IPO8: variants seen among roughly 807,000 people sequenced by gnomAD.
IPO8 encodes importin 8, also known as importin-8.
Under a neutral mutation model 141.2 loss-of-function variants are expected in IPO8, and 65 were observed. The observed-to-expected ratio is 0.46, with a 90% CI of 0.38 to 0.57. The LOEUF is 0.57. Ranked by LOEUF, IPO8 falls within the 20% of genes least tolerant of loss-of-function variation. The pLI is 0.00. For synonymous variants in IPO8, 411 were observed against 420.3 expected (o/e 0.98, Z 0.27); for missense variants, 980 against 1,246.8 (o/e 0.79, Z 3.22).
At position 30,662,452 on chromosome 12, in the gene IPO8, T is replaced by A; in HGVS notation, c.1630A>T (p.Met544Leu). The A allele has an allele frequency of 2.5e-6, 4 of 1,612,870 alleles. No individual in the cohort carries two copies. Among genetic ancestry groups the A allele is most frequent in the Non-Finnish European group, 3.4e-6 (4 of 1,179,250 alleles). ...CTAACAATGTGCAACAGTTCCTGCA[T>A]AATAGGCCTCACATGTGGCTTCATA... ...EYMKPHVRPI[M>L]QELLHIVRET... Residue 544 changes from methionine (M) to leucine (L), a missense_variant, in exon 15 of 25, where the codon ATG becomes TTG. By Grantham distance (15) the Met-to-Leu change is conservative. Around this residue, in one of 3 missense-constraint regions of IPO8, gnomAD observed 924 missense variants for 1,153.9 expected, o/e 0.80. Coordinates refer to ENST00000256079, the MANE Select transcript of IPO8 (RefSeq NM_006390.4).
Position 30,652,582 on chromosome 12 carries a change from G to A in IPO8, c.2075-293C>T, listed in dbSNP as rs1452306408. On this transcript the variant is annotated intron_variant, in intron 18 of 24. Transcript: ENST00000256079. ...TATATTTTCTTGCTCATTTGTCTGCGTGATTCCCTACCCTCCCATCATCCC... is the reference window on the plus strand; with the variant it reads ...TATATTTTCTTGCTCATTTGTCTGCATGATTCCCTACCCTCCCATCATCCC... 3.3e-5 allele frequency among the ~76,000 whole-genome samples: 5 copies of A among 152,074 alleles called. No homozygotes were observed. The East Asian group carries it at 7.7e-4, about 23-fold the overall frequency.
chr12:30,684,288 T>C lies in IPO8; in HGVS notation c.323+13A>G, dbSNP rs771009819. 22 of 1,612,072 alleles carry C rather than the reference T, an allele frequency of 1.4e-5. No homozygotes were observed. Among genetic ancestry groups the C allele is most frequent in the Non-Finnish European group, 1.9e-5 (22 of 1,178,642 alleles). ...ATGCTTTCTAGTAATCACAAATATA[T>C]AGCACCACATACCTCACTAAATCTG... On this transcript the variant is annotated intron_variant, in intron 3 of 24. Coordinates refer to ENST00000256079, the MANE Select transcript of IPO8 (RefSeq NM_006390.4).
In IPO8 at chr12:30,695,395, C is replaced by T. The variant is rs2241828; in HGVS notation, c.84+169G>A. ...GCTGTTCGGCAAAGATCCTGGGAGC[C>T]CTGCTCCACTGGACCGGGGGGCAGC... is the stretch of plus-strand genomic sequence containing the variant. On this transcript the variant is annotated intron_variant, in intron 1 of 24. Coordinates refer to ENST00000256079, the MANE Select transcript of IPO8 (RefSeq NM_006390.4). This position sits in a 1 kb window ranked among gnomAD's most constrained non-coding sequence, Gnocchi z 4.2. Among the ~76,000 whole-genome samples the T allele has an allele frequency of 0.21, 32,291 of 152,098 alleles. 3,587 individuals are homozygous for T. Among genetic ancestry groups the T allele is most frequent in the East Asian group, 0.29 (1,513 of 5,142 alleles).
At chr12:30,678,053 A>T (rs1192868851) in intron 5 of IPO8, among the ~76,000 whole-genome samples, 1 of 144,588 alleles carries the variant, frequency 6.9e-6, no homozygotes, top group Non-Finnish European at 1.5e-5. Context: ...TGAACCCGGG[A>T]GGCGGAGGTG....
chr12:30,659,999 G>C (rs753421600), intron 16 of IPO8, among the ~76,000 whole-genome samples: 1 of 152,090 alleles, frequency 6.6e-6, no homozygotes, highest in Non-Finnish European at 1.5e-5. Flanking sequence ...GAAGCGGGTG[G>C]ATCACCTGAG....
chr12:30,670,589 A>G (rs2053033433), intron 9 of IPO8, among the ~76,000 whole-genome samples: 1 of 152,236 alleles, frequency 6.6e-6, no homozygotes, highest in Non-Finnish European at 1.5e-5. Flanking sequence ...GCAAAATAAC[A>G]CTACCTTAGT....
At chr12:30,668,206 G>A (rs1266781665) in intron 10 of IPO8, among the ~76,000 whole-genome samples, 1 of 152,148 alleles carries the variant, frequency 6.6e-6, no homozygotes, top group Non-Finnish European at 1.5e-5. Context: ...GATGATAAAT[G>A]TTTCTCATTG....
At chr12:30,646,934 C>G (rs1449403200) in intron 20 of IPO8, among the ~76,000 whole-genome samples, 2 of 152,190 alleles carry the variant, frequency 1.3e-5, no homozygotes, top group East Asian at 3.9e-4. Flanking sequence ...ACAATCCCAG[C>G]TGGCTAATTT....
intron 21 of IPO8, among the ~76,000 whole-genome samples, 155 bp from the exon 22 acceptor site, chr12:30,637,342 C>T (rs2052517138): frequency 6.6e-6 from 1 of 152,136 alleles, no homozygotes; most frequent in Non-Finnish European, 1.5e-5. Flanking sequence ...GTATGAAATG[C>T]TATGTAAATC....
At chr12:30,670,632 A>G (rs2053033899) in intron 9 of IPO8, among the ~76,000 whole-genome samples, 1 of 152,232 alleles carries the variant, frequency 6.6e-6, no homozygotes, top group South Asian at 2.1e-4. Flanking sequence ...ATACTTTCTC[A>G]CAAAATACCT....
At chr12:30,640,979 C>T (rs1237077204) in intron 20 of IPO8, among the ~76,000 whole-genome samples, 1 of 152,122 alleles carries the variant, frequency 6.6e-6, no homozygotes, top group Non-Finnish European at 1.5e-5. Flanking sequence ...ACAATTATGT[C>T]AGCTTAAATA....
At chr12:30,639,488 G>C in intron 21 of IPO8, 27 bp downstream of exon 21, 1 of 1,452,460 alleles carries the variant, frequency 6.9e-7, no homozygotes, top group South Asian at 1.1e-5. Context: ...AAACAGAAAA[G>C]CAGTGTAAAA....
At chr12:30,643,585 A>G (rs2052602185) in intron 20 of IPO8, among the ~76,000 whole-genome samples, 1 of 151,936 alleles carries the variant, frequency 6.6e-6, no homozygotes, top group Admixed American at 6.6e-5. Flanking sequence ...GTAGTGGTCG[A>G]CCCCTTATGA....
In IPO8 at chr12:30,656,694, T is replaced by A. The variant is rs1365253421; in HGVS notation, c.1938A>T (p.Lys646Asn). The A allele has an allele frequency of 6.4e-7, 1 of 1,558,034 alleles. No homozygotes were observed. The highest frequency in any genetic ancestry group is 1.8e-5 in the Admixed American group (1 of 54,650). Residue 646 changes from lysine to asparagine, a missense_variant, in exon 17 of 25, where the codon AAA becomes AAT. By Grantham distance (94) the Lys-to-Asn change is moderately conservative. This residue lies in a region of IPO8 where 924 missense variants were observed against 1,153.9 expected (regional missense o/e 0.80). Transcript: ENST00000256079. ...CLRIIDLVLQKHVIEFYEEIL... is the reference protein window; with the variant it reads ...CLRIIDLVLQNHVIEFYEEIL... The stretch of plus-strand genomic sequence containing the variant: ...AACCTTTGAACTTACCAATTACATG[T>A]TTCTGCAGAACAAGATCAATGATCC...
intron 21 of IPO8, among the ~76,000 whole-genome samples, chr12:30,637,507 G>A (rs765247256): frequency 4.6e-5 from 7 of 152,098 alleles, no homozygotes; most frequent in Non-Finnish European, 7.4e-5. Flanking sequence ...ATATTTGACA[G>A]CATAAAAGTC....
At chr12:30,682,082 A>C (rs537192647) in intron 3 of IPO8, among the ~76,000 whole-genome samples, 1 of 152,184 alleles carries the variant, frequency 6.6e-6, no homozygotes, top group Admixed American at 6.5e-5. Flanking sequence ...AATTGTTTTA[A>C]ATAGTTTAAA....
chr12:30,685,864 C>T (rs1246266461), intron 2 of IPO8, among the ~76,000 whole-genome samples: 4 of 135,784 alleles, frequency 2.9e-5, no homozygotes, highest in East Asian at 2.2e-4. Flanking sequence ...GATCATGCCA[C>T]AGCACTGCAG....
chr12:30,657,856 G>C (rs1433605235), intron 16 of IPO8, among the ~76,000 whole-genome samples: 1 of 151,916 alleles, frequency 6.6e-6, no homozygotes, highest in Non-Finnish European at 1.5e-5. Flanking sequence ...TTCACTTTTT[G>C]CTTATATGTT....
At position 30,680,606 on chromosome 12, in the gene IPO8, A is replaced by T. The variant is rs764970198; in HGVS notation, c.515T>A (p.Ile172Lys). ...YKKAEEREPL[I>K]IAMQIFLPRI... is the part of the protein sequence containing the mutation. Reference sequence around the variant, plus strand: ...AGGCAGGAATATCTGCATTGCTATTATAAGAGGTTCTCTCTCTTCTGCTTT... The same window carrying T: ...AGGCAGGAATATCTGCATTGCTATTTTAAGAGGTTCTCTCTCTTCTGCTTT... The change falls in exon 5 of 25, where the codon ATA becomes AAA. Residue 172 changes from isoleucine to lysine, a missense_variant. Ile to Lys is a moderately radical substitution (Grantham distance 102, BLOSUM62 -3). Around this residue, in one of 3 missense-constraint regions of IPO8, gnomAD observed 924 missense variants for 1,153.9 expected, o/e 0.80. Transcript: ENST00000256079. 8 of 1,612,142 alleles carry T rather than the reference A, an allele frequency of 5.0e-6. No homozygotes were observed. The highest frequency in any genetic ancestry group is 2.2e-5 in the South Asian group (2 of 90,718).
Sources: allele counts gnomAD v4.1 joint callset (sites outside exome capture counted in the v4.1 genomes callset), GRCh38; gene constraint gnomAD v4.1.1; regional missense constraint gnomAD v4.1.1; non-coding constraint Gnocchi (gnomAD v3.1); transcripts MANE v1.5; gene names NCBI Gene and HGNC (gene_info 2026-07-23, HGNC 2026-07-21).